Variants in CHRNA4 observed in about 807,000 individuals in gnomAD.
CHRNA4 encodes cholinergic receptor nicotinic alpha 4 subunit.
A neutral mutation model predicts 48.9 loss-of-function variants in CHRNA4; 28 were observed. The observed-to-expected ratio is 0.57, with a 90% CI of 0.42 to 0.79. The LOEUF is 0.79. CHRNA4 is among the 30% of genes least tolerant of loss of function. The probability of loss-of-function intolerance (pLI) is 0.00; values close to 1 mark genes in which losing one functional copy is unlikely to be tolerated. For missense variants in CHRNA4, 859 were observed against 898.4 expected, an observed-to-expected ratio of 0.96 and a Z score of 0.56; for synonymous variants, 425 against 402.3, an observed-to-expected ratio of 1.06 and a Z score of -0.68.
Position 63,350,192 on chromosome 20 carries a change from A to G in CHRNA4, c.1219T>C (p.Ser407Pro). 1 of 1,597,432 alleles carries G rather than the reference A, an allele frequency of 6.3e-7. No homozygotes were observed. Among genetic ancestry groups the G allele is most frequent in the Non-Finnish European group, 8.5e-7 (1 of 1,171,052 alleles). The part of the protein sequence containing the change: ...GTQSLHPPSP[S>P]FCVPLDVPAE... ...GGCACATCCAGGGGGACACAGAAGG[A>G]CGGTGAGGGCGGGTGCAGGCTCTGG... Residue 407 changes from serine (S) to proline (P), a missense_variant, in exon 5 of 6, where the codon TCC (serine) becomes CCC (proline). Ser to Pro is a moderately conservative substitution (Grantham distance 74). Around this residue, in one of 3 missense-constraint regions of CHRNA4, gnomAD observed 478 missense variants for 455.4 expected, o/e 1.05. Coordinates refer to ENST00000370263, the MANE Select transcript of CHRNA4 (RefSeq NM_000744.7).
rs370553755 is a variant in CHRNA4 at position 63,359,679 on chromosome 20, G to A, written c.97C>T (p.Arg33Trp). 3 of 1,611,366 alleles carry A rather than the reference G, an allele frequency of 1.9e-6. No individual in the cohort carries two copies. The highest frequency in any genetic ancestry group is 2.2e-5 in the East Asian group (1 of 44,864). ...LLRASSHVET[R>W]AHAEERLLKK... is the part of the protein sequence containing the mutation. ...AGGAGCCGCTCCTCGGCGTGGGCCC[G>A]GGTCTCCACATGGCTGCTGGCTGCG... is the stretch of plus-strand genomic sequence containing the variant. The change falls in exon 2 of 6, where the codon CGG (arginine) becomes TGG (tryptophan). Residue 33 changes from arginine (R) to tryptophan (W), a missense_variant. By Grantham distance (101) the Arg-to-Trp change is moderately radical. This residue lies in a region of CHRNA4 where 342 missense variants were observed against 365.3 expected (regional missense o/e 0.94). Coordinates refer to ENST00000370263, the MANE Select transcript of CHRNA4 (RefSeq NM_000744.7).
intron 5 of CHRNA4, among the ~76,000 whole-genome samples, chr20:63,347,391 C>T (rs2068513276): frequency 6.6e-6 from 1 of 152,240 alleles, no homozygotes; most frequent in African/African-American, 2.4e-5. Context: ...CTCACTCGAG[C>T]CTCCCCTGGC....
intron 1 of CHRNA4, among the ~76,000 whole-genome samples, chr20:63,360,702 C>T (rs2068804829): frequency 6.6e-6 from 1 of 152,232 alleles, no homozygotes; most frequent in South Asian, 2.1e-4. Context: ...GAGGCCACCC[C>T]TCTGATCCCC....
intron 4 of CHRNA4, among the ~76,000 whole-genome samples, chr20:63,353,296 AC>A (rs1218404682): frequency 6.6e-6 from 1 of 151,948 alleles, no homozygotes; most frequent in Non-Finnish European, 1.5e-5. Flanking sequence ...CACTCCAGGA[AC>A]CCTGGGTCCT....
chr20:63,347,283 C>T (rs911135233), intron 5 of CHRNA4, among the ~76,000 whole-genome samples: 10 of 152,214 alleles, frequency 6.6e-5, no homozygotes, highest in Admixed American at 6.5e-4. Context: ...CATCCCCCTC[C>T]CCGTTTTGCA....
Position 63,346,470 on chromosome 20 carries a change from G to A in CHRNA4, c.*268C>T. The A allele has an allele frequency of 1.6e-6, 1 of 634,744 alleles. No individual in the cohort carries two copies. The highest frequency in any genetic ancestry group is 2.9e-6 in the Non-Finnish European group (1 of 343,288). 39.3% of individuals were successfully genotyped at this position (634,744 alleles called of 1,614,324 possible). ...TTGAACTGGACTTAGCCCGAGTCCT[G>A]CAGGTAGAAGGCGCCGACCCCCACC... On this transcript the variant is annotated 3_prime_UTR_variant, in exon 6 of 6. Coordinates refer to ENST00000370263, the MANE Select transcript of CHRNA4 (RefSeq NM_000744.7).
Position 63,344,463 on chromosome 20 carries a change from G to A in CHRNA4, c.*2275C>T. On this transcript the variant is annotated 3_prime_UTR_variant, in exon 6 of 6. Coordinates refer to ENST00000370263, the MANE Select transcript of CHRNA4 (RefSeq NM_000744.7). This position sits in a 1 kb window ranked among gnomAD's most constrained non-coding sequence, Gnocchi z 4.5. ...GGTTAATTTGGCGTGGTGGGAATAT[G>A]GTGCTTTATTTGGATTTTTTTTTTG... 1 of 451,910 alleles carries A rather than the reference G, an allele frequency of 2.2e-6. No individual in the cohort carries two copies. The highest frequency in any genetic ancestry group is 4.4e-6 in the Non-Finnish European group (1 of 226,326). 28.0% of individuals were successfully genotyped at this position (451,910 alleles called of 1,614,324 possible).
intron 4 of CHRNA4, 121 bp downstream of exon 4, chr20:63,355,854 G>A: frequency 2.2e-6 from 3 of 1,354,418 alleles, no homozygotes; most frequent in East Asian, 2.5e-5. Context: ...CATGGGGCTG[G>A]CATAGGCCCC....
rs1568811547 is a variant in CHRNA4 at position 63,351,168 on chromosome 20, TCCACGC to T, written c.384-147_384-142del. On this transcript the variant is annotated intron_variant, in intron 4 of 5. Transcript: ENST00000370263. Reference sequence around the variant, plus strand: ...ATCCACGTCCACGCCCACATCCACGTCCACGCCCACATCCATGTCCCACGCCCACAT... The same window carrying T: ...ATCCACGTCCACGCCCACATCCACGTCCACATCCATGTCCCACGCCCACAT... The T allele has an allele frequency of 1.9e-4, 119 of 634,786 alleles. 1 individual carries two copies. Among genetic ancestry groups the T allele is most frequent in the African/African-American group, 4.2e-4 (21 of 50,018 alleles). 39.3% of individuals were successfully genotyped at this position (634,786 alleles called of 1,614,324 possible).
rs750265666 is a variant in CHRNA4, at chr20:63,349,728, C to T, written c.1683G>A (p.Ser561=). The T allele has an allele frequency of 6.2e-6, 10 of 1,612,694 alleles. No homozygotes were observed. In the East Asian group the frequency reaches 6.7e-5, roughly 11 times the overall value. Residue 561 remains serine, a synonymous_variant, in exon 5 of 6, where the codon TCG becomes TCA. Transcript: ENST00000370263. The stretch of plus-strand genomic sequence containing the variant: ...CCTCCACCGCCCGGGTCAGGGCCGG[C>T]GACAGGGGCAGGTGCGGGGGCGGCG... ...TKAPPPHLPL[S]PALTRAVEGV...
At chr20:63,357,986 G>T (rs45563841) in intron 2 of CHRNA4, among the ~76,000 whole-genome samples, 2 of 152,178 alleles carry the variant, frequency 1.3e-5, no homozygotes, top group South Asian at 2.1e-4. Context: ...GCAGCCAGGT[G>T]GGGGGTGGCA....
intron 2 of CHRNA4, among the ~76,000 whole-genome samples, chr20:63,359,139 T>G (rs866632854): frequency 1.6e-4 from 24 of 152,338 alleles, no homozygotes; most frequent in Non-Finnish European, 3.2e-4. Context: ...CAGCTAAGGT[T>G]GGGGTGCTGC....
rs199667282 is a variant in CHRNA4 at position 63,346,027 on chromosome 20, C to T, written c.*711G>A. On this transcript the variant is annotated 3_prime_UTR_variant, in exon 6 of 6. Coordinates refer to ENST00000370263, the MANE Select transcript of CHRNA4 (RefSeq NM_000744.7). ...GTTCCTGTCCCCCGCGGAGGGCCTG[C>T]GCAGGGGAGAGCTGGTCCCGCGTGG... 75 of 454,040 alleles carry T rather than the reference C, an allele frequency of 1.7e-4. No homozygotes were observed. Among genetic ancestry groups the T allele is most frequent in the South Asian group, 9.9e-4 (64 of 64,468 alleles). The allele number at this position is 454,040 out of a possible 1,614,324, so 28.1% of individuals were successfully genotyped here. A position where few individuals can be genotyped will look rare whatever the true frequency, so the allele number is the denominator to read the frequency against.
rs1568821526 is a variant in CHRNA4, at chr20:63,361,279, CG to C, written c.-115del. The C allele has an allele frequency of 7.3e-7, 1 of 1,369,108 alleles. No homozygotes were observed. Among genetic ancestry groups the C allele is most frequent in the Admixed American group, 3.2e-5 (1 of 31,338 alleles). The allele number at this position is 1,369,108 out of a possible 1,614,324, so 84.8% of individuals were successfully genotyped here. Reference sequence around the variant, plus strand: ...GCGCCTCGCGGGCCGCTTCGGCCGCCGGGCCCGGTTCGTCTTCTCCTGTGGG... The same window carrying C: ...GCGCCTCGCGGGCCGCTTCGGCCGCCGGCCCGGTTCGTCTTCTCCTGTGGG... On this transcript the variant is annotated 5_prime_UTR_variant, in exon 1 of 6. Transcript: ENST00000370263.
In CHRNA4 at chr20:63,345,919, C is replaced by A. The variant is rs751489177; in HGVS notation, c.*819G>T. ...CCAGGGGCTGAAGCCACTAGGCCCC[C>A]GTGGAGCCCTGGCCACCTGCCAGAG... On this transcript the variant is annotated 3_prime_UTR_variant, in exon 6 of 6. Transcript: ENST00000370263. The surrounding 1 kb of genome is among the most constrained non-coding windows in gnomAD (Gnocchi z 5.4). 1 of 453,752 alleles carries A rather than the reference C, an allele frequency of 2.2e-6. No homozygotes were observed. The allele number at this position is 453,752 out of a possible 1,614,324, so 28.1% of individuals were successfully genotyped here. A position where few individuals can be genotyped will look rare whatever the true frequency, so the allele number is the denominator to read the frequency against.
At chr20:63,359,327 G>A in intron 2 of CHRNA4, 1 of 634,312 alleles carries the variant, frequency 1.6e-6, no homozygotes, top group Non-Finnish European at 2.8e-6. Context: ...CACGTCAAGG[G>A]GGAGGAAAGG....
Position 63,352,507 on chromosome 20 carries a change from C to G in CHRNA4, c.384-1480G>C, listed in dbSNP as rs530347564. 1.8e-4 allele frequency among the ~76,000 whole-genome samples: 27 copies of G among 152,300 alleles called. 1 individual carries two copies. The South Asian group carries it at 5.6e-3, about 32-fold the overall frequency. Reference sequence around the variant, plus strand: ...CAGCTGCATCTCAATGCGGCTCCGGCCCAGCACAGCCTGGCTCCCGAGCGT... The same window carrying G: ...CAGCTGCATCTCAATGCGGCTCCGGGCCAGCACAGCCTGGCTCCCGAGCGT... On this transcript the variant is annotated intron_variant, in intron 4 of 5. Transcript: ENST00000370263.
Position 63,346,481 on chromosome 20 carries a change from GCGCCGA to G in CHRNA4, c.*251_*256del. On this transcript the variant is annotated 3_prime_UTR_variant, in exon 6 of 6. Coordinates refer to ENST00000370263, the MANE Select transcript of CHRNA4 (RefSeq NM_000744.7). Reference sequence around the variant, plus strand: ...TTAGCCCGAGTCCTGCAGGTAGAAGGCGCCGACCCCCACCTCTGCTCCAAGCCACTG... The same window carrying G: ...TTAGCCCGAGTCCTGCAGGTAGAAGGCCCCCACCTCTGCTCCAAGCCACTG... 1.5e-6 allele frequency: 1 copy of G among 652,364 alleles called. No homozygotes were observed. Among genetic ancestry groups the G allele is most frequent in the South Asian group, 1.5e-5 (1 of 66,262 alleles). 40.4% of individuals were successfully genotyped at this position (652,364 alleles called of 1,614,324 possible).
intron 2 of CHRNA4, 101 bp from the exon 3 acceptor site, chr20:63,356,516 G>T: frequency 1.6e-6 from 2 of 1,276,866 alleles, no homozygotes; most frequent in Non-Finnish European, 2.2e-6. Flanking sequence ...CACGGCCAGG[G>T]CAAGATATGG....
Sources: allele counts gnomAD v4.1 joint callset (sites outside exome capture counted in the v4.1 genomes callset), GRCh38; gene constraint gnomAD v4.1.1; regional missense constraint gnomAD v4.1.1; non-coding constraint Gnocchi (gnomAD v3.1); transcripts MANE v1.5; gene names NCBI Gene and HGNC (gene_info 2026-07-23, HGNC 2026-07-21).